Variants in MEGF11 observed in about 807,000 individuals in gnomAD.
MEGF11 encodes multiple EGF like domains 11, also known as multiple epidermal growth factor-like domains protein 11.
In MEGF11, 126 loss-of-function variants were observed where a neutral mutation model predicts 146.6. That is an observed-to-expected ratio of 0.86 (90% confidence interval 0.74 to 1.00). MEGF11 has a LOEUF of 1.00. Among genes scored for constraint, MEGF11 ranks in the 50% least tolerant of loss-of-function variants. The pLI is 0.00. For missense variants in MEGF11, 1,509 were observed against 1,521.2 expected, an observed-to-expected ratio of 0.99 and a Z score of 0.13; for synonymous variants, 532 against 583.4, an observed-to-expected ratio of 0.91 and a Z score of 1.27.
chr15:66,191,949 G>A (rs185541869), intron 1 of MEGF11, among the ~76,000 whole-genome samples: 432 of 151,934 alleles, frequency 2.8e-3, no homozygotes, highest in Admixed American at 4.2e-3. Flanking sequence ...ATGGTGGCAC[G>A]CGCCTGTAAT....
At chr15:66,033,405 A>G (rs1233628010) in intron 5 of MEGF11, among the ~76,000 whole-genome samples, 2 of 152,230 alleles carry the variant, frequency 1.3e-5, no homozygotes, top group Non-Finnish European at 2.9e-5. Flanking sequence ...TGCTCCCTGA[A>G]TTCCAGCACA....
At chr15:66,146,722 C>T (rs1048376642) in intron 1 of MEGF11, among the ~76,000 whole-genome samples, 7 of 152,382 alleles carry the variant, frequency 4.6e-5, no homozygotes, top group Middle Eastern at 3.4e-3. Flanking sequence ...GGACAGCGGC[C>T]TGTGCGCTGG....
chr15:66,060,009 T>G, intron 5 of MEGF11, among the ~76,000 whole-genome samples: 3 of 148,222 alleles, frequency 2.0e-5, no homozygotes, highest in African/African-American at 5.0e-5. Flanking sequence ...AGGCAGTGGG[T>G]GGGGGAGCAT....
intron 1 of MEGF11, among the ~76,000 whole-genome samples, chr15:66,162,541 T>G (rs1387022034): frequency 6.6e-6 from 1 of 152,196 alleles, no homozygotes; most frequent in Non-Finnish European, 1.5e-5. Flanking sequence ...GCTTACTGTA[T>G]GATTCCATTG....
At chr15:66,095,776 G>A (rs1399781869) in intron 4 of MEGF11, among the ~76,000 whole-genome samples, 1 of 152,184 alleles carries the variant, frequency 6.6e-6, no homozygotes, top group Non-Finnish European at 1.5e-5. Context: ...TGGTGTGTCT[G>A]GAGATCCCTA....
At chr15:66,075,353 A>G (rs1456928524) in intron 5 of MEGF11, among the ~76,000 whole-genome samples, 1 of 152,248 alleles carries the variant, frequency 6.6e-6, no homozygotes, top group African/African-American at 2.4e-5. Flanking sequence ...TGCTATGAGA[A>G]AAGTTCCAAT....
intron 5 of MEGF11, among the ~76,000 whole-genome samples, chr15:66,014,890 C>T (rs151081076): frequency 6.6e-6 from 1 of 152,208 alleles, no homozygotes; most frequent in East Asian, 1.9e-4. Context: ...AGTTGCACTT[C>T]CCTTGGAAGC....
intron 5 of MEGF11, among the ~76,000 whole-genome samples, chr15:66,093,588 T>C (rs1201089826): frequency 3.9e-5 from 6 of 152,234 alleles, no homozygotes; most frequent in Non-Finnish European, 2.9e-5. Flanking sequence ...CAAGTCCTCT[T>C]TGAAAATCAA....
intron 10 of MEGF11, among the ~76,000 whole-genome samples, chr15:65,931,589 A>C (rs1435637301): frequency 6.6e-6 from 1 of 152,180 alleles, no homozygotes; most frequent in African/African-American, 2.4e-5. Flanking sequence ...AATCCTTCTC[A>C]GTTATTGGAG....
intron 1 of MEGF11, among the ~76,000 whole-genome samples, chr15:66,220,877 T>C (rs1306266195): frequency 1.3e-5 from 2 of 152,148 alleles, no homozygotes; most frequent in East Asian, 1.9e-4. Context: ...GTTCTGATTG[T>C]GGTCGTGGTT....
chr15:66,197,183 G>A (rs2140075211), intron 1 of MEGF11, among the ~76,000 whole-genome samples: 1 of 152,344 alleles, frequency 6.6e-6, no homozygotes, highest in Middle Eastern at 3.4e-3. Flanking sequence ...GGTGAGATGT[G>A]TAGTGGTCCC....
intron 5 of MEGF11, among the ~76,000 whole-genome samples, chr15:66,093,968 T>C (rs1004506434): frequency 1.3e-5 from 2 of 152,044 alleles, no homozygotes; most frequent in African/African-American, 4.8e-5. Context: ...TGTCCACCAG[T>C]CTCACAAATC....
rs529731214 is a variant in MEGF11, at chr15:65,946,644, C to T, written c.1287+10903G>A. Reference sequence around the variant, plus strand: ...CTGAGCTCAGGTGATCCACCCACTTCGGCCTCCCAAAGTGCTGGGATTACA... The same window carrying T: ...CTGAGCTCAGGTGATCCACCCACTTTGGCCTCCCAAAGTGCTGGGATTACA... On this transcript the variant is annotated intron_variant, in intron 10 of 25. Transcript: ENST00000395614. Among the ~76,000 whole-genome samples, 32 of 152,328 alleles carry T rather than the reference C, an allele frequency of 2.1e-4. No individual in the cohort carries two copies. The East Asian group carries it at 2.5e-3, about 12-fold the overall frequency.
chr15:65,914,622 T>A (rs2078930152), intron 19 of MEGF11, among the ~76,000 whole-genome samples: 1 of 152,196 alleles, frequency 6.6e-6, no homozygotes, highest in Admixed American at 6.5e-5. Flanking sequence ...TAGGAGGCTG[T>A]CCTGCCAGGC....
chr15:66,103,516 T>C (rs2086919805), intron 4 of MEGF11, among the ~76,000 whole-genome samples: 1 of 152,166 alleles, frequency 6.6e-6, no homozygotes, highest in African/African-American at 2.4e-5. Flanking sequence ...GTTTGTGCTA[T>C]GTAAGTGTTA....
In MEGF11 at chr15:65,990,623, AGAAAAAAAGAGAAAG is replaced by A. The variant is rs2082005733; in HGVS notation, c.395-8150_395-8136del. Among the ~76,000 whole-genome samples, 3 of 134,744 alleles carry A rather than the reference AGAAAAAAAGAGAAAG, an allele frequency of 2.2e-5. No individual in the cohort carries two copies. In the East Asian group the frequency reaches 9.5e-4, roughly 43 times the overall value. The allele number at this position is 134,744 out of a possible 152,430, so 88.4% of individuals were successfully genotyped here. ...AAGAAAAGAAAAGAAAAAAAAGAAA[AGAAAAAAAGAGAAAG>A]GAAAAGAAAAAAGAAGGAAGGGAAG... On this transcript the variant is annotated intron_variant, in intron 5 of 25. Transcript: ENST00000395614.
chr15:66,238,898 C>T (rs184612456), intron 1 of MEGF11, among the ~76,000 whole-genome samples: 6 of 151,758 alleles, frequency 4.0e-5, no homozygotes, highest in East Asian at 1.9e-4. Flanking sequence ...GCTTAGAGTC[C>T]GGCTTCCTCC....
intron 2 of MEGF11, among the ~76,000 whole-genome samples, chr15:66,127,968 C>T (rs918592170): frequency 3.3e-5 from 5 of 152,240 alleles, no homozygotes; most frequent in African/African-American, 7.2e-5. Flanking sequence ...GACCAAAGTC[C>T]GCATCCCCCC....
chr15:66,069,779 A>G (rs2085287607), intron 5 of MEGF11, among the ~76,000 whole-genome samples: 2 of 152,240 alleles, frequency 1.3e-5, no homozygotes, highest in African/African-American at 4.8e-5. Flanking sequence ...AGAAATTGGC[A>G]AAGTTTTTCT....
Sources: allele counts gnomAD v4.1 joint callset (sites outside exome capture counted in the v4.1 genomes callset), GRCh38; gene constraint gnomAD v4.1.1; transcripts MANE v1.5; gene names NCBI Gene and HGNC (gene_info 2026-07-23, HGNC 2026-07-21).